The following GRIP1 variants were observed in gnomAD, a reference collection of about 807,000 sequenced individuals.
The protein encoded by GRIP1 is glutamate receptor-interacting protein 1.
Under a neutral mutation model 129.9 loss-of-function variants are expected in GRIP1, and 45 were observed. That is an observed-to-expected ratio of 0.35 (90% CI 0.27 to 0.44). The LOEUF is 0.44. GRIP1 is among the 20% of genes least tolerant of loss of function. GRIP1 has a pLI of 1.00. For synonymous variants in GRIP1, 530 were observed against 520.8 expected (o/e 1.02, Z -0.24); for missense variants, 1,196 against 1,396.8 (o/e 0.86, Z 2.29).
chr12:67,030,036 T>TA, intron 1 of GRIP1, among the ~76,000 whole-genome samples: 1 of 74,000 alleles, frequency 1.4e-5, no homozygotes, highest in Admixed American at 1.8e-4. Flanking sequence ...CCGTCTCTAC[T>TA]AAAAATACAA....
At chr12:66,987,335 T>C (rs770656914) in intron 1 of GRIP1, among the ~76,000 whole-genome samples, 3 of 152,198 alleles carry the variant, frequency 2.0e-5, no homozygotes, top group Non-Finnish European at 4.4e-5. Flanking sequence ...ATGATACTGA[T>C]AGATGGCAAT....
At chr12:66,564,584 CAT>C (rs557932917) in intron 2 of GRIP1, among the ~76,000 whole-genome samples, 111 of 152,134 alleles carry the variant, frequency 7.3e-4, no homozygotes, top group Non-Finnish European at 1.4e-3. Flanking sequence ...CCACAATAAA[CAT>C]ATGTGTGCAT....
At chr12:66,389,945 A>C (rs929129069) in intron 19 of GRIP1, among the ~76,000 whole-genome samples, 1 of 152,236 alleles carries the variant, frequency 6.6e-6, no homozygotes, top group African/African-American at 2.4e-5. Context: ...GCCTCAACAG[A>C]GACCCAATAG....
intron 1 of GRIP1, among the ~76,000 whole-genome samples, chr12:66,880,133 A>G (rs549417091): frequency 6.6e-6 from 1 of 152,236 alleles, no homozygotes; most frequent in East Asian, 1.9e-4. Flanking sequence ...AGCAGAGGTC[A>G]GCCCATGACA....
chr12:66,752,194 C>T (rs113890124), intron 1 of GRIP1, among the ~76,000 whole-genome samples: 8 of 149,960 alleles, frequency 5.3e-5, no homozygotes, highest in African/African-American at 1.8e-4. Context: ...TATAAGCTTC[C>T]ATTTAAGACA....
chr12:66,986,143 G>A (rs1164679739), intron 1 of GRIP1, among the ~76,000 whole-genome samples: 2 of 152,118 alleles, frequency 1.3e-5, no homozygotes, highest in Non-Finnish European at 2.9e-5. Context: ...ACACTTGTGT[G>A]GCAAAATTCT....
At chr12:66,510,142 A>G (rs1306445838) in intron 7 of GRIP1, among the ~76,000 whole-genome samples, 1 of 152,126 alleles carries the variant, frequency 6.6e-6, no homozygotes, top group African/African-American at 2.4e-5. Flanking sequence ...CAAGCACCAC[A>G]TATGCATTAA....
At chr12:66,797,069 ATAGT>A (rs1316068448) in intron 1 of GRIP1, among the ~76,000 whole-genome samples, 3 of 152,284 alleles carry the variant, frequency 2.0e-5, no homozygotes, top group Middle Eastern at 3.4e-3. Flanking sequence ...AGATTATGTA[ATAGT>A]TAGTGAGATA....
intron 1 of GRIP1, among the ~76,000 whole-genome samples, chr12:66,645,569 T>A (rs989853987): frequency 6.6e-6 from 1 of 152,186 alleles, no homozygotes; most frequent in African/African-American, 2.4e-5. Flanking sequence ...GCTTTGCCAC[T>A]CAAATCAATG....
intron 1 of GRIP1, among the ~76,000 whole-genome samples, chr12:67,068,271 C>T (rs1020890419): frequency 4.6e-5 from 7 of 152,132 alleles, no homozygotes; most frequent in Non-Finnish European, 8.8e-5. Flanking sequence ...GCAAAGTGTC[C>T]AGCACACTTG....
At chr12:66,728,941 A>C (rs2136485350) in intron 1 of GRIP1, among the ~76,000 whole-genome samples, 1 of 152,330 alleles carries the variant, frequency 6.6e-6, no homozygotes, top group Admixed American at 6.5e-5. Flanking sequence ...TATTGGTTAA[A>C]ATAGAAAGTC....
chr12:67,014,624 T>C (rs2135724738), intron 1 of GRIP1, among the ~76,000 whole-genome samples: 1 of 151,904 alleles, frequency 6.6e-6, no homozygotes, highest in South Asian at 2.1e-4. Context: ...GGGGGTTCTG[T>C]GGTCCATTAT....
At chr12:66,395,867 G>A (rs1234839685) in intron 16 of GRIP1, among the ~76,000 whole-genome samples, 1 of 152,186 alleles carries the variant, frequency 6.6e-6, no homozygotes, top group Admixed American at 6.5e-5. Flanking sequence ...TGAAGTTGTG[G>A]CCAATAGGCT....
At chr12:66,867,960 A>G (rs1182938619) in intron 1 of GRIP1, among the ~76,000 whole-genome samples, 2 of 152,182 alleles carry the variant, frequency 1.3e-5, no homozygotes, top group Non-Finnish European at 2.9e-5. Flanking sequence ...TCAATTCTAT[A>G]TGAAGGGAAA....
In GRIP1 at chr12:66,815,854, T is replaced by TTC. The variant is rs1555241803; in HGVS notation, c.59-218929_59-218928dup. On this transcript the variant is annotated intron_variant, in intron 1 of 1. Coordinates refer to the GRIP1 transcript ENST00000643019. ...TTTCTTTCTTTCTTTCTTTCTTTCT[T>TTC]TCTCTCTCTCTCTCTCTCTCTCTCT... Among the ~76,000 whole-genome samples the TTC allele has an allele frequency of 3.9e-3, 450 of 116,818 alleles. 16 individuals are homozygous for TTC. Among genetic ancestry groups the TTC allele is most frequent in the Admixed American group, 0.033 (335 of 10,092 alleles). The allele number at this position is 116,818 out of a possible 152,430, so 76.6% of individuals were successfully genotyped here. A position where few individuals can be genotyped will look rare whatever the true frequency, so the allele number is the denominator to read the frequency against.
intron 16 of GRIP1, 64 bp from the exon 17 acceptor site, chr12:66,394,416 A>G (rs1198911520): frequency 1.5e-6 from 2 of 1,293,872 alleles, no homozygotes; most frequent in Non-Finnish European, 2.2e-6. Flanking sequence ...TAAGATGCAT[A>G]GATTCATACA....
intron 19 of GRIP1, among the ~76,000 whole-genome samples, chr12:66,385,754 C>T (rs777450578): frequency 7.9e-5 from 12 of 151,896 alleles, no homozygotes; most frequent in Non-Finnish European, 1.5e-4. Context: ...GGATTACAGA[C>T]ACACACCACC....
chr12:67,063,292 G>C (rs2135895698), intron 1 of GRIP1, among the ~76,000 whole-genome samples: 1 of 152,180 alleles, frequency 6.6e-6, no homozygotes, highest in Middle Eastern at 3.4e-3. Flanking sequence ...CACCTCACTT[G>C]GTGCTTAAAG....
At chr12:66,885,392 C>G (rs970953238) in intron 1 of GRIP1, among the ~76,000 whole-genome samples, 11 of 152,160 alleles carry the variant, frequency 7.2e-5, no homozygotes, top group African/African-American at 2.4e-4. Context: ...CTGAGGGCTG[C>G]CGGCCAATGT....
Sources: allele counts gnomAD v4.1 joint callset (sites outside exome capture counted in the v4.1 genomes callset), GRCh38; gene constraint gnomAD v4.1.1; transcripts MANE v1.5; gene names NCBI Gene and HGNC (gene_info 2026-07-23, HGNC 2026-07-21).